POU2F1: variants seen among roughly 807,000 people sequenced by gnomAD.
POU2F1 encodes the protein POU domain, class 2, transcription factor 1.
A neutral mutation model predicts 84.9 loss-of-function variants in POU2F1; 16 were observed. That is an observed-to-expected ratio of 0.19 (90% CI 0.13 to 0.29). POU2F1 has a LOEUF of 0.29. Among genes scored for constraint, POU2F1 ranks in the 10% least tolerant of loss-of-function variants. POU2F1 has a pLI of 1.00. For synonymous variants in POU2F1, 368 were observed against 368.3 expected (o/e 1.00, Z 0.01); for missense variants, 738 against 942.6 (o/e 0.78, Z 2.84).
chr1:167,367,606 A>C (rs1659763505), intron 3 of POU2F1, among the ~76,000 whole-genome samples: 1 of 152,202 alleles, frequency 6.6e-6, no homozygotes, highest in Admixed American at 6.5e-5. Flanking sequence ...TATTTTAAAA[A>C]AACTTTCAAA....
chr1:167,323,660 CA>C (rs1656484282), intron 1 of POU2F1, among the ~76,000 whole-genome samples: 1 of 152,128 alleles, frequency 6.6e-6, no homozygotes, highest in Non-Finnish European at 1.5e-5. Flanking sequence ...CAATACTGTT[CA>C]TGCTAGTTGT....
chr1:167,336,567 C>T (rs912094188), intron 2 of POU2F1, among the ~76,000 whole-genome samples: 1 of 151,928 alleles, frequency 6.6e-6, no homozygotes, highest in African/African-American at 2.4e-5. Context: ...TTGATGTATA[C>T]TATAGATTGA....
chr1:167,235,188 T>C (rs528279137), intron 1 of POU2F1, among the ~76,000 whole-genome samples: 1 of 152,326 alleles, frequency 6.6e-6, no homozygotes, highest in South Asian at 2.1e-4. Context: ...TATTTCTCAA[T>C]TTTTCTTTTA....
At chr1:167,381,398 A>G (rs560017751) in intron 7 of POU2F1, among the ~76,000 whole-genome samples, 1 of 151,944 alleles carries the variant, frequency 6.6e-6, no homozygotes, top group Non-Finnish European at 1.5e-5. Flanking sequence ...TTGGTTTTTT[A>G]AAAAGTTCTA....
Position 167,419,896 on chromosome 1 carries a change from A to G in POU2F1, c.*4086A>G, listed in dbSNP as rs192048567. On this transcript the variant is annotated 3_prime_UTR_variant, in exon 16 of 16. Coordinates refer to ENST00000367866, the MANE Select transcript of POU2F1 (RefSeq NM_002697.4). ...TTTAAAAAAGGGAAGATAAGATTAA[A>G]GATTCTTAGTGAGATCATCTTGCCA... is the stretch of plus-strand genomic sequence containing the variant. 6.6e-6 allele frequency: 1 copy of G among 152,348 alleles called. No individual in the cohort carries two copies. Among genetic ancestry groups the G allele is most frequent in the East Asian group, 1.9e-4 (1 of 5,188 alleles). 9.4% of individuals were successfully genotyped at this position (152,348 alleles called of 1,614,324 possible).
chr1:167,341,609 G>A (rs1657860480), intron 2 of POU2F1, among the ~76,000 whole-genome samples: 1 of 152,178 alleles, frequency 6.6e-6, no homozygotes, highest in South Asian at 2.1e-4. Flanking sequence ...GCAGGTGCAG[G>A]AGTTATGGTA....
At chr1:167,225,017 C>T (rs1173038773) in intron 1 of POU2F1, among the ~76,000 whole-genome samples, 2 of 151,698 alleles carry the variant, frequency 1.3e-5, no homozygotes, top group African/African-American at 4.8e-5. Context: ...TTTGTAGAGG[C>T]GGGGTTTCAC....
intron 1 of POU2F1, among the ~76,000 whole-genome samples, chr1:167,277,400 G>A (rs1351170019): frequency 6.6e-6 from 1 of 151,156 alleles, no homozygotes; most frequent in Admixed American, 6.6e-5. Flanking sequence ...AGGAACTAAA[G>A]ATCAGGTAAA....
At chr1:167,359,394 G>A (rs1050381436) in intron 2 of POU2F1, among the ~76,000 whole-genome samples, 8 of 151,980 alleles carry the variant, frequency 5.3e-5, no homozygotes, top group African/African-American at 1.9e-4. Context: ...TTCTGTCTTT[G>A]TGTCTTATGT....
At chr1:167,350,722 G>C (rs1658499619) in intron 2 of POU2F1, among the ~76,000 whole-genome samples, 1 of 151,726 alleles carries the variant, frequency 6.6e-6, no homozygotes, top group Non-Finnish European at 1.5e-5. Flanking sequence ...TGTTAGGCTG[G>C]GCACGGTGGC....
At chr1:167,277,439 T>C (rs1490838975) in intron 1 of POU2F1, among the ~76,000 whole-genome samples, 3 of 151,308 alleles carry the variant, frequency 2.0e-5, no homozygotes, top group Non-Finnish European at 2.9e-5. Context: ...TGGAATTGAA[T>C]CTGTTCAGAA....
At chr1:167,410,955 C>A (rs1202190388) in intron 13 of POU2F1, among the ~76,000 whole-genome samples, 1 of 152,082 alleles carries the variant, frequency 6.6e-6, no homozygotes, top group African/African-American at 2.4e-5. Flanking sequence ...TATTTAATGT[C>A]AGTTAGTCAT....
chr1:167,332,448 A>G (rs1053736905), intron 1 of POU2F1, 22 bp from the exon 2 acceptor site: 2 of 1,591,412 alleles, frequency 1.3e-6, no homozygotes, highest in Non-Finnish European at 1.7e-6. Context: ...TAAAAACCTT[A>G]TTCTCCTCTG....
At chr1:167,243,121 A>G (rs1390676962) in intron 1 of POU2F1, among the ~76,000 whole-genome samples, 2 of 152,158 alleles carry the variant, frequency 1.3e-5, no homozygotes, top group Non-Finnish European at 2.9e-5. Flanking sequence ...TCTCTGTTTT[A>G]TATTTTTACT....
chr1:167,265,774 G>A (rs1651903384), intron 1 of POU2F1, among the ~76,000 whole-genome samples: 1 of 151,746 alleles, frequency 6.6e-6, no homozygotes, highest in South Asian at 2.1e-4. Flanking sequence ...GGCATCTAGT[G>A]ATTAGAGGCC....
Position 167,416,247 on chromosome 1 carries a change from TA to T in POU2F1, c.*449del, listed in dbSNP as rs371666497. 9,629 of 243,352 alleles carry T rather than the reference TA, an allele frequency of 0.04. 1 individual carries two copies. The highest frequency in any genetic ancestry group is 0.077 in the South Asian group (1,730 of 22,574). 15.1% of individuals were successfully genotyped at this position (243,352 alleles called of 1,614,324 possible). A position where few individuals can be genotyped will look rare whatever the true frequency, so the allele number is the denominator to read the frequency against. On this transcript the variant is annotated 3_prime_UTR_variant, in exon 16 of 16. Transcript: ENST00000367866. ...TGTTTGTCTAAATTTCTTTTTTTCTTAAAAAAAAAAAATCATTTTTATGGGT... is the reference window on the plus strand; with the variant it reads ...TGTTTGTCTAAATTTCTTTTTTTCTTAAAAAAAAAAATCATTTTTATGGGT...
At chr1:167,343,359 A>G (rs146664685) in intron 2 of POU2F1, among the ~76,000 whole-genome samples, 119 of 152,324 alleles carry the variant, frequency 7.8e-4, no homozygotes, top group African/African-American at 2.6e-3. Context: ...AACATTAAAG[A>G]GAGGGTTTGT....
At chr1:167,375,464 A>G (rs1217353523) in intron 6 of POU2F1, among the ~76,000 whole-genome samples, 2 of 152,220 alleles carry the variant, frequency 1.3e-5, no homozygotes. Context: ...GTAAGGTGCT[A>G]TTGTTGTTAG....
intron 1 of POU2F1, among the ~76,000 whole-genome samples, chr1:167,238,364 T>C (rs1303604664): frequency 2.0e-5 from 3 of 152,224 alleles, no homozygotes; most frequent in Non-Finnish European, 2.9e-5. Flanking sequence ...CAAGGAAAAC[T>C]TGGTCAATTT....
Sources: gnomAD v4.1 joint callset for allele counts (sites outside exome capture counted in the v4.1 genomes callset) on GRCh38, gnomAD v4.1.1 for gene constraint, MANE v1.5 for transcripts, NCBI Gene and HGNC (gene_info 2026-07-23, HGNC 2026-07-21) for gene names.